Variants in MYO10 observed in about 807,000 individuals in gnomAD.
The protein encoded by MYO10 is unconventional myosin-X.
MYO10 carries 133 observed loss-of-function variants against 257.3 expected under a neutral mutation model. The observed-to-expected ratio is 0.52, with a 90% CI of 0.45 to 0.60. The LOEUF is 0.60. MYO10 is among the 20% of genes least tolerant of loss of function. MYO10 has a pLI of 0.00. For missense variants in MYO10, 2,399 were observed against 2,635.7 expected (o/e 0.91, Z 1.97); for synonymous variants, 1,104 against 1,028.6 (o/e 1.07, Z -1.40).
chr5:16,755,528 A>G (rs1424342439), intron 18 of MYO10, among the ~76,000 whole-genome samples: 1 of 152,222 alleles, frequency 6.6e-6, no homozygotes, highest in African/African-American at 2.4e-5. Flanking sequence ...GGATATTTCA[A>G]CGTTTAGTAC....
intron 2 of MYO10, among the ~76,000 whole-genome samples, chr5:16,846,543 T>C (rs983326596): frequency 6.6e-6 from 1 of 152,244 alleles, no homozygotes; most frequent in Admixed American, 6.5e-5. Context: ...ATTATCTTGA[T>C]TCTTTGCTGT....
chr5:16,850,004 C>T (rs1743752706), intron 2 of MYO10, among the ~76,000 whole-genome samples: 1 of 152,174 alleles, frequency 6.6e-6, no homozygotes, highest in Non-Finnish European at 1.5e-5. Flanking sequence ...AGAGGACTGA[C>T]ATCTAAACTA....
At chr5:16,888,853 C>T (rs982401473) in intron 1 of MYO10, among the ~76,000 whole-genome samples, 4 of 149,990 alleles carry the variant, frequency 2.7e-5, no homozygotes, top group Non-Finnish European at 4.4e-5. Flanking sequence ...CTCTCTGTTC[C>T]ATAGGGAATA....
intron 21 of MYO10, among the ~76,000 whole-genome samples, chr5:16,706,637 G>C (rs1018820336): frequency 6.6e-5 from 10 of 152,124 alleles, no homozygotes; most frequent in Admixed American, 6.6e-4. Flanking sequence ...ACGTGAACAA[G>C]TGGAAACCTT....
chr5:16,840,586 C>A (rs1743448822), intron 2 of MYO10, among the ~76,000 whole-genome samples: 1 of 152,052 alleles, frequency 6.6e-6, no homozygotes, highest in African/African-American at 2.4e-5. Flanking sequence ...CTTATGACTA[C>A]CAGGAACAGA....
intron 19 of MYO10, among the ~76,000 whole-genome samples, chr5:16,724,019 G>A (rs1739258458): frequency 6.6e-6 from 1 of 152,156 alleles, no homozygotes; most frequent in Non-Finnish European, 1.5e-5. Context: ...TACTGTAATG[G>A]TGGATACATG....
chr5:16,691,000 T>C (rs1224040340), intron 27 of MYO10, among the ~76,000 whole-genome samples: 1 of 151,678 alleles, frequency 6.6e-6, no homozygotes, highest in East Asian at 2.0e-4. Flanking sequence ...CCGGGCGTGG[T>C]GGCTCACGCC....
Position 16,912,465 on chromosome 5 carries a change from C to T in MYO10, c.21+23323G>A, listed in dbSNP as rs535479141. 4.6e-5 allele frequency among the ~76,000 whole-genome samples: 7 copies of T among 152,144 alleles called. No homozygotes were observed. In the South Asian group the frequency reaches 1.5e-3, roughly 32 times the overall value. ...CCCCATATTTGTAGCCTTTGTACAC[C>T]GTGCCTTACATAGTCTGGGTCTCAA... is the stretch of plus-strand genomic sequence containing the variant. On this transcript the variant is annotated intron_variant, in intron 1 of 40. Coordinates refer to ENST00000513610, the MANE Select transcript of MYO10 (RefSeq NM_012334.3).
chr5:16,894,511 T>TA (rs1384442805), intron 1 of MYO10, among the ~76,000 whole-genome samples: 1 of 152,004 alleles, frequency 6.6e-6, no homozygotes, highest in East Asian at 1.9e-4. Flanking sequence ...GAAAAGCAAA[T>TA]ACAATCTACC....
intron 2 of MYO10, among the ~76,000 whole-genome samples, chr5:16,829,628 A>G (rs1265598846): frequency 1.3e-5 from 2 of 152,168 alleles, no homozygotes; most frequent in African/African-American, 4.8e-5. Context: ...AACCTTTCTG[A>G]CAGCGCCGCA....
At chr5:16,919,429 C>T (rs1421221658) in intron 1 of MYO10, among the ~76,000 whole-genome samples, 1 of 152,040 alleles carries the variant, frequency 6.6e-6, no homozygotes, top group Non-Finnish European at 1.5e-5. Context: ...CTGCCTTCCC[C>T]TCCAAATGAG....
chr5:16,683,862 A>C lies in MYO10; in HGVS notation c.4046+18T>G, dbSNP rs757116149. ...CAGGTGATGAGCTGTTTTTGTTAAG[A>C]GCCACATCTGAGCTTACCTATCAGG... On this transcript the variant is annotated intron_variant, in intron 30 of 40. Transcript: ENST00000513610. 2 of 1,613,338 alleles carry C rather than the reference A, an allele frequency of 1.2e-6. No individual in the cohort carries two copies. The highest frequency in any genetic ancestry group is 1.1e-5 in the South Asian group (1 of 90,908).
At chr5:16,912,262 T>C (rs958614666) in intron 1 of MYO10, among the ~76,000 whole-genome samples, 1 of 152,144 alleles carries the variant, frequency 6.6e-6, no homozygotes, top group Admixed American at 6.5e-5. Flanking sequence ...CTTGTCAACA[T>C]TTTGCAAATT....
intron 1 of MYO10, among the ~76,000 whole-genome samples, chr5:16,904,106 C>T (rs1187292487): frequency 7.5e-6 from 1 of 133,604 alleles, no homozygotes; most frequent in African/African-American, 3.5e-5. Flanking sequence ...TGACCAGTAA[C>T]CAGTGAAAGA....
intron 2 of MYO10, among the ~76,000 whole-genome samples, chr5:16,851,340 T>G (rs1322879701): frequency 1.3e-5 from 2 of 152,128 alleles, no homozygotes; most frequent in Non-Finnish European, 2.9e-5. Flanking sequence ...GTTAGCTTGG[T>G]TTTATACTGG....
At chr5:16,835,069 C>T (rs1743270101) in intron 2 of MYO10, among the ~76,000 whole-genome samples, 1 of 151,780 alleles carries the variant, frequency 6.6e-6, no homozygotes, top group Admixed American at 6.6e-5. Flanking sequence ...CCCAGCTACT[C>T]GAGAGGCTGA....
chr5:16,865,503 C>CA, intron 2 of MYO10, among the ~76,000 whole-genome samples: 1 of 152,132 alleles, frequency 6.6e-6, no homozygotes, highest in East Asian at 1.9e-4. Context: ...TAAAACAGTA[C>CA]AAAAAAGGTA....
Position 16,763,544 on chromosome 5 carries a change from T to C in MYO10, c.1431A>G (p.Glu477=). Reference sequence around the variant, plus strand: ...AGTCAATATCTTCCCACACTAATCCTTCCCTGTAGAAAGATTTTAAACAGC... The same window carrying C: ...AGTCAATATCTTCCCACACTAATCCCTCCCTGTAGAAAGATTTTAAACAGC... The part of the protein sequence containing the change: ...FSLEQLEYSR[E]GLVWEDIDWI... The change falls in exon 14 of 41, where the codon GAA becomes GAG. Residue 477 remains glutamate (E), a synonymous_variant. Coordinates refer to ENST00000513610, the MANE Select transcript of MYO10 (RefSeq NM_012334.3). The C allele has an allele frequency of 6.2e-7, 1 of 1,610,530 alleles. No homozygotes were observed. The highest frequency in any genetic ancestry group is 8.5e-7 in the Non-Finnish European group (1 of 1,176,948).
At chr5:16,858,350 A>G (rs1351505440) in intron 2 of MYO10, among the ~76,000 whole-genome samples, 2 of 152,020 alleles carry the variant, frequency 1.3e-5, no homozygotes, top group Non-Finnish European at 1.5e-5. Context: ...GAGTCGTCAC[A>G]TAAGCTTTAC....
Sources: allele counts gnomAD v4.1 joint callset (sites outside exome capture counted in the v4.1 genomes callset), GRCh38; gene constraint gnomAD v4.1.1; transcripts MANE v1.5; gene names NCBI Gene and HGNC (gene_info 2026-07-23, HGNC 2026-07-21).